The following TLR3 variants were observed in gnomAD, a reference collection of about 807,000 sequenced individuals.
The protein encoded by TLR3 is toll-like receptor 3.
A neutral mutation model predicts 66.4 loss-of-function variants in TLR3; 43 were observed. The observed-to-expected ratio is 0.65, with a 90% CI of 0.51 to 0.83. The LOEUF is 0.83. Ranked by LOEUF, TLR3 falls within the 40% of genes least tolerant of loss-of-function variation. TLR3 has a pLI of 0.00. For synonymous variants in TLR3, 397 were observed against 397.2 expected (o/e 1.00, Z 0.01); for missense variants, 982 against 1,044.6 (o/e 0.94, Z 0.83).
intron 1 of TLR3, among the ~76,000 whole-genome samples, chr4:186,074,393 G>A (rs1449394845): frequency 6.6e-6 from 1 of 152,234 alleles, no homozygotes; most frequent in African/African-American, 2.4e-5. Flanking sequence ...AAGTACTTGT[G>A]TATCTAAACA....
intron 2 of TLR3, among the ~76,000 whole-genome samples, chr4:186,077,288 T>C (rs899555827): frequency 2.6e-5 from 4 of 152,170 alleles, no homozygotes; most frequent in Non-Finnish European, 4.4e-5. Flanking sequence ...CCATTAGAAA[T>C]AGAACTTAGA....
intron 1 of TLR3, among the ~76,000 whole-genome samples, chr4:186,076,393 G>A (rs1462274473): frequency 6.6e-6 from 1 of 152,154 alleles, no homozygotes; most frequent in African/African-American, 2.4e-5. Flanking sequence ...AGGATAGGAA[G>A]GAAGTTTGGA....
In TLR3 at chr4:186,082,560, G is replaced by A. The variant is rs371800977; in HGVS notation, c.874G>A (p.Asp292Asn). The A allele has an allele frequency of 2.2e-5, 35 of 1,614,026 alleles. No individual in the cohort carries two copies. Among genetic ancestry groups the A allele is most frequent in the African/African-American group, 9.3e-5 (7 of 74,916 alleles). Residue 292 changes from aspartate (D) to asparagine (N), a missense_variant, in exon 4 of 5, where the codon GAT becomes AAT. Around this residue, in one of 3 missense-constraint regions of TLR3, gnomAD observed 3 missense variants for 16.6 expected, o/e 0.18. Coordinates refer to ENST00000296795, the MANE Select transcript of TLR3 (RefSeq NM_003265.3). The stretch of plus-strand genomic sequence containing the variant: ...CAACAACTTAAATGTGGTTGGTAAC[G>A]ATTCCTTTGCTTGGCTTCCACAACT... ...SYNNLNVVGNDSFAWLPQLEY... is the reference protein window; with the variant it reads ...SYNNLNVVGNNSFAWLPQLEY...
chr4:186,080,154 A>T (rs2099303183), intron 3 of TLR3, among the ~76,000 whole-genome samples: 1 of 152,144 alleles, frequency 6.6e-6, no homozygotes, highest in African/African-American at 2.4e-5. Flanking sequence ...GTTCCAGGCT[A>T]TAAGACTACT....
rs373400665 is a variant in TLR3 at position 186,083,257 on chromosome 4, A to G, written c.1571A>G (p.Asp524Gly). 9 of 1,614,200 alleles carry G rather than the reference A, an allele frequency of 5.6e-6. No homozygotes were observed. The highest frequency in any genetic ancestry group is 7.6e-6 in the Non-Finnish European group (9 of 1,180,034). The change falls in exon 4 of 5, where the codon GAC becomes GGC. Residue 524 changes from aspartate to glycine, a missense_variant. By Grantham distance (94) the Asp-to-Gly change is moderately conservative (BLOSUM62 -1). This residue lies in a region of TLR3 where 666 missense variants were observed against 709.0 expected (regional missense o/e 0.94). Transcript: ENST00000296795. The surrounding 1 kb of genome is among the most constrained non-coding windows in gnomAD (Gnocchi z 4.0). ...AACAACATAGCCAACATAAATGATGACATGTTGGAGGGTCTTGAGAAACTA... is the reference window on the plus strand; with the variant it reads ...AACAACATAGCCAACATAAATGATGGCATGTTGGAGGGTCTTGAGAAACTA... Reference protein sequence around the residue: ...SNNNIANINDDMLEGLEKLEI... With the variant: ...SNNNIANINDGMLEGLEKLEI...
chr4:186,069,210 T>G lies in TLR3; in HGVS notation c.-46T>G, dbSNP rs1561368077. On this transcript the variant is annotated 5_prime_UTR_variant, in exon 1 of 5. It adds an upstream start codon to the 5' untranslated region. Transcript: ENST00000296795. ...CACTTCCCTGATGAAATGTCTGGATTTGGACTAAAGAAAAAAGGAAAGGCT... is the reference window on the plus strand; with the variant it reads ...CACTTCCCTGATGAAATGTCTGGATGTGGACTAAAGAAAAAAGGAAAGGCT... 6.6e-6 allele frequency: 1 copy of G among 152,164 alleles called. No individual in the cohort carries two copies. The highest frequency in any genetic ancestry group is 1.5e-5 in the Non-Finnish European group (1 of 68,026). 9.4% of individuals were successfully genotyped at this position (152,164 alleles called of 1,614,324 possible).
chr4:186,077,317 T>C lies in TLR3; in HGVS notation c.441+257T>C, dbSNP rs905813387. ...ACTTAGACGCAAGAGATAGAAGTAA[T>C]GAACAGAGAAGAATCAGAATATCCC... On this transcript the variant is annotated intron_variant, in intron 2 of 4. Transcript: ENST00000296795. 3.3e-5 allele frequency among the ~76,000 whole-genome samples: 5 copies of C among 152,174 alleles called. No homozygotes were observed. The East Asian group carries it at 9.6e-4, about 29-fold the overall frequency.
rs1579731157 is a variant in TLR3 at position 186,082,758 on chromosome 4, G to A, written c.1072G>A (p.Glu358Lys). The A allele has an allele frequency of 1.9e-6, 3 of 1,613,972 alleles. No individual in the cohort carries two copies. The South Asian group carries it at 3.3e-5, about 18-fold the overall frequency. The change falls in exon 4 of 5, where the codon GAG becomes AAG. Residue 358 changes from glutamate to lysine, a missense_variant. Physicochemically the swap from Glu to Lys is moderately conservative, Grantham distance 56 (BLOSUM62 1). Coordinates refer to ENST00000296795, the MANE Select transcript of TLR3 (RefSeq NM_003265.3). ...TTCTTTTCAGTGGCTAAAATGTTTG[G>A]AGCACCTTAACATGGAAGATAATGA... ...DFSFQWLKCL[E>K]HLNMEDNDIP...
intron 3 of TLR3, among the ~76,000 whole-genome samples, chr4:186,080,997 T>G (rs1409932521): frequency 2.6e-5 from 4 of 152,184 alleles, no homozygotes; most frequent in Non-Finnish European, 4.4e-5. Context: ...ACAAATGAGT[T>G]AAAATGCAAA....
chr4:186,083,672 C>T lies in TLR3; in HGVS notation c.1986C>T (p.Asn662=), dbSNP rs149490656. ...TTGCCTGGTTTGTTAATTGGATTAACGAGACCCATACCAACATCCCTGAGC... is the reference window on the plus strand; with the variant it reads ...TTGCCTGGTTTGTTAATTGGATTAATGAGACCCATACCAACATCCCTGAGC... ...ESIAWFVNWI[N]ETHTNIPELS... The change falls in exon 4 of 5, where the codon AAC becomes AAT. Residue 662 remains asparagine (N), a synonymous_variant. Coordinates refer to ENST00000296795, the MANE Select transcript of TLR3 (RefSeq NM_003265.3). This position sits in a 1 kb window ranked among gnomAD's most constrained non-coding sequence, Gnocchi z 4.0. 58 of 1,597,456 alleles carry T rather than the reference C, an allele frequency of 3.6e-5. 1 individual carries two copies. The Admixed American group carries it at 8.0e-4, about 22-fold the overall frequency.
intron 4 of TLR3, 81 bp from the exon 5 acceptor site, chr4:186,084,564 C>T (rs2099304070): frequency 1.1e-6 from 1 of 948,356 alleles, no homozygotes; most frequent in Non-Finnish European, 1.6e-6. Flanking sequence ...ACAGTTTAAA[C>T]TCTACAGAGT....
Position 186,087,599 on chromosome 4 carries a change from G to C in TLR3, c.*2726G>C, listed in dbSNP as rs760325372. 4 of 152,022 alleles carry C rather than the reference G, an allele frequency of 2.6e-5. No homozygotes were observed. The highest frequency in any genetic ancestry group is 7.3e-5 in the African/African-American group (3 of 41,362). The allele number at this position is 152,022 out of a possible 1,614,324, so 9.4% of individuals were successfully genotyped here. On this transcript the variant is annotated 3_prime_UTR_variant, in exon 5 of 5. Coordinates refer to ENST00000296795, the MANE Select transcript of TLR3 (RefSeq NM_003265.3). ...CGACACTGAGTTTAAAATAAATCTT[G>C]GTATTTAGGTTGTACCTAAAAATGA...
At position 186,084,114 on chromosome 4, in the gene TLR3, A is replaced by G. The variant is rs1213954612; in HGVS notation, c.2428A>G (p.Ser810Gly). The change falls in exon 4 of 5, where the codon AGC becomes GGC. Residue 810 changes from serine to glycine, a missense_variant. This residue lies in a region of TLR3 where 666 missense variants were observed against 709.0 expected (regional missense o/e 0.94). Transcript: ENST00000296795. ...LEAIVNSIKRSRKIIFVITHH... is the reference protein window; with the variant it reads ...LEAIVNSIKRGRKIIFVITHH... ...AGCAATTGTTAACAGCATCAAAAGAAGCAGAAAAATTATTTTTGTTATAAC... is the reference window on the plus strand; with the variant it reads ...AGCAATTGTTAACAGCATCAAAAGAGGCAGAAAAATTATTTTTGTTATAAC... 1 of 1,614,090 alleles carries G rather than the reference A, an allele frequency of 6.2e-7. No individual in the cohort carries two copies. Among genetic ancestry groups the G allele is most frequent in the Admixed American group, 1.7e-5 (1 of 60,018 alleles).
rs1278787755 is a variant in TLR3 at position 186,087,567 on chromosome 4, A to G, written c.*2694A>G. On this transcript the variant is annotated 3_prime_UTR_variant, in exon 5 of 5. Coordinates refer to ENST00000296795, the MANE Select transcript of TLR3 (RefSeq NM_003265.3). ...TTTTCACATTGCAAAACAAAACCCA[A>G]CTGAATCGACACTGAGTTTAAAATA... The G allele has an allele frequency of 2.0e-5, 3 of 152,136 alleles. No individual in the cohort carries two copies. Among genetic ancestry groups the G allele is most frequent in the Non-Finnish European group, 4.4e-5 (3 of 68,014 alleles). 9.4% of individuals were successfully genotyped at this position (152,136 alleles called of 1,614,324 possible). A position where few individuals can be genotyped will look rare whatever the true frequency, so the allele number is the denominator to read the frequency against.
rs1304368904 is a variant in TLR3, at chr4:186,085,041, A to G, written c.*168A>G. The G allele has an allele frequency of 1.5e-6, 1 of 647,374 alleles. No homozygotes were observed. Among genetic ancestry groups the G allele is most frequent in the Non-Finnish European group, 2.6e-6 (1 of 379,316 alleles). 40.1% of individuals were successfully genotyped at this position (647,374 alleles called of 1,614,324 possible). On this transcript the variant is annotated 3_prime_UTR_variant, in exon 5 of 5. Coordinates refer to ENST00000296795, the MANE Select transcript of TLR3 (RefSeq NM_003265.3). ...CTAGGAAAATGTGTCTCCTTATTTC[A>G]GGCCTATTTTTGACAATTGACTTAA...
rs141413571 is a variant in TLR3, at chr4:186,079,415, G to A, written c.633+384G>A. On this transcript the variant is annotated intron_variant, in intron 3 of 4. Transcript: ENST00000296795. Reference sequence around the variant, plus strand: ...GTTCACAGTCGGGTTAGCTGGCTTGGTCTCTGGGCTTTGTCTTTTAACAAT... The same window carrying A: ...GTTCACAGTCGGGTTAGCTGGCTTGATCTCTGGGCTTTGTCTTTTAACAAT... Among the ~76,000 whole-genome samples, 296 of 152,244 alleles carry A rather than the reference G, an allele frequency of 1.9e-3. 1 individual carries two copies. Among genetic ancestry groups the A allele is most frequent in the African/African-American group, 6.7e-3 (277 of 41,542 alleles).
chr4:186,077,173 T>G, intron 2 of TLR3, 113 bp downstream of exon 2: 6 of 1,131,772 alleles, frequency 5.3e-6, no homozygotes, highest in Non-Finnish European at 7.6e-6. Flanking sequence ...TAATCCAATT[T>G]GCCACAAATA....
chr4:186,079,139 A>T, intron 3 of TLR3, 108 bp downstream of exon 3: 1 of 1,043,148 alleles, frequency 9.6e-7, no homozygotes, highest in South Asian at 1.5e-5. Context: ...CCTGTCTTCC[A>T]GCAATCCTTC....
chr4:186,072,854 G>T (rs1170492467), intron 1 of TLR3, among the ~76,000 whole-genome samples: 1 of 152,190 alleles, frequency 6.6e-6, no homozygotes, highest in Non-Finnish European at 1.5e-5. Flanking sequence ...CCAACAAAGT[G>T]CCAGGTCTTG....
Sources: allele counts gnomAD v4.1 joint callset (sites outside exome capture counted in the v4.1 genomes callset), GRCh38; gene constraint gnomAD v4.1.1; regional missense constraint gnomAD v4.1.1; non-coding constraint Gnocchi (gnomAD v3.1); transcripts MANE v1.5; gene names NCBI Gene and HGNC (gene_info 2026-07-23, HGNC 2026-07-21).